Variants in MARCHF1 observed in about 807,000 individuals in gnomAD.
MARCHF1 encodes membrane associated ring-CH-type finger 1.
A neutral mutation model predicts 54.2 loss-of-function variants in MARCHF1; 40 were observed. The ratio of observed to expected loss-of-function variants is 0.74; its 90% CI spans 0.57 to 0.96. MARCHF1 has a LOEUF of 0.96. Ranked by LOEUF, MARCHF1 falls within the 40% of genes least tolerant of loss-of-function variation. The pLI is 0.00. For missense variants in MARCHF1, 586 were observed against 656.5 expected (o/e 0.89, Z 1.17); for synonymous variants, 236 against 236.3 (o/e 1.00, Z 0.01).
chr4:163,869,589 T>G (rs1284319471), intron 3 of MARCHF1, among the ~76,000 whole-genome samples: 1 of 152,184 alleles, frequency 6.6e-6, no homozygotes, highest in East Asian at 1.9e-4. Context: ...CTTTCTATAT[T>G]ATCTGTCAGA....
At chr4:163,851,092 T>C (rs1357231614) in intron 4 of MARCHF1, among the ~76,000 whole-genome samples, 1 of 152,096 alleles carries the variant, frequency 6.6e-6, no homozygotes, top group Non-Finnish European at 1.5e-5. Context: ...CACTTAAATG[T>C]TTAAAACTTA....
chr4:163,963,709 C>T (rs1752384752), intron 3 of MARCHF1, among the ~76,000 whole-genome samples: 2 of 151,876 alleles, frequency 1.3e-5, no homozygotes, highest in African/African-American at 4.8e-5. Flanking sequence ...CCAGGTCTTT[C>T]AGAATTCTTT....
chr4:164,199,663 CACACACACACACACACACAGAGAGAGAG>C (rs1560950808), intron 1 of MARCHF1, among the ~76,000 whole-genome samples: 1 of 84,996 alleles, frequency 1.2e-5, no homozygotes, highest in South Asian at 4.6e-4. Flanking sequence ...CACACACACA[CACACACACACACACACACAGAGAGAGAG>C]AGAGAGAGAG....
chr4:163,931,919 C>G (rs1751686019), intron 3 of MARCHF1, among the ~76,000 whole-genome samples: 1 of 152,102 alleles, frequency 6.6e-6, no homozygotes, highest in South Asian at 2.1e-4. Flanking sequence ...TATAAAGGCA[C>G]AGCATGGAGA....
Position 163,585,920 on chromosome 4 carries a change from G to T in MARCHF1, c.1020C>A (p.His340Gln). ...SDNLEVCRIC[H>Q]CEGDEESPLI... ...GGGGGCTCTCTTCATCCCCTTCGCAGTGACAGATTCTGCAGAAAGACACAG... is the reference window on the plus strand; with the variant it reads ...GGGGGCTCTCTTCATCCCCTTCGCATTGACAGATTCTGCAGAAAGACACAG... Residue 340 changes from histidine (H) to glutamine (Q), a missense_variant, in exon 8 of 10, where the codon CAC (histidine) becomes CAA (glutamine). His to Gln is a conservative substitution (Grantham distance 24). This residue lies in a region of MARCHF1 where 93 missense variants were observed against 168.2 expected (regional missense o/e 0.55). Transcript: ENST00000514618. The T allele has an allele frequency of 6.2e-7, 1 of 1,604,952 alleles. No homozygotes were observed.
At chr4:164,309,799 T>C (rs1234503860) in intron 1 of MARCHF1, among the ~76,000 whole-genome samples, 1 of 152,166 alleles carries the variant, frequency 6.6e-6, no homozygotes, top group Non-Finnish European at 1.5e-5. Flanking sequence ...AACTAGACAA[T>C]TGGAATTGCT....
intron 2 of MARCHF1, among the ~76,000 whole-genome samples, chr4:164,009,255 G>A (rs1421830747): frequency 1.3e-5 from 2 of 151,878 alleles, no homozygotes; most frequent in Non-Finnish European, 2.9e-5. Context: ...CCTGAAAAAA[G>A]AGAAAACCTC....
chr4:164,069,611 G>A (rs1754817061), intron 2 of MARCHF1, among the ~76,000 whole-genome samples: 1 of 152,010 alleles, frequency 6.6e-6, no homozygotes, highest in African/African-American at 2.4e-5. Flanking sequence ...CCACCAGAAG[G>A]AAGAAACTCC....
chr4:163,630,176 C>T (rs1228433758), intron 5 of MARCHF1, among the ~76,000 whole-genome samples: 3 of 152,120 alleles, frequency 2.0e-5, no homozygotes, highest in Non-Finnish European at 4.4e-5. Flanking sequence ...TAGGCCCAAA[C>T]TGTAAATAAC....
chr4:163,628,092 A>C (rs534629547), intron 5 of MARCHF1, among the ~76,000 whole-genome samples: 7 of 152,300 alleles, frequency 4.6e-5, no homozygotes, highest in Admixed American at 4.6e-4. Context: ...AGACAATATA[A>C]AAATTAAAAA....
At chr4:164,375,164 T>A (rs1474750572) in intron 1 of MARCHF1, among the ~76,000 whole-genome samples, 1 of 152,184 alleles carries the variant, frequency 6.6e-6, no homozygotes, top group Non-Finnish European at 1.5e-5. Context: ...GATTCCAGAA[T>A]GAATAATTAA....
intron 1 of MARCHF1, among the ~76,000 whole-genome samples, chr4:164,344,388 A>T (rs915496036): frequency 2.6e-5 from 4 of 152,190 alleles, no homozygotes; most frequent in African/African-American, 9.7e-5. Flanking sequence ...AAGTTAAAAA[A>T]TAAGTCTGTT....
At chr4:163,911,700 G>T (rs893509357) in intron 3 of MARCHF1, among the ~76,000 whole-genome samples, 1 of 152,158 alleles carries the variant, frequency 6.6e-6, no homozygotes, top group African/African-American at 2.4e-5. Context: ...GGGCAATTAA[G>T]GTAAAACGAT....
intron 4 of MARCHF1, among the ~76,000 whole-genome samples, chr4:163,797,471 A>G (rs1374916052): frequency 6.6e-6 from 1 of 151,944 alleles, no homozygotes; most frequent in East Asian, 1.9e-4. Context: ...GTATTGCCAG[A>G]TTTCCTTTCT....
chr4:163,986,249 C>CCTTTTTTTTTTTTTT (rs1752864138), intron 3 of MARCHF1, among the ~76,000 whole-genome samples: 3 of 28,830 alleles, frequency 1.0e-4, no homozygotes, highest in South Asian at 1.4e-3. Context: ...TTAACCTCTT[C>CCTTTTTTTTTTTTTT]TTTTTTTTTT....
At chr4:164,237,448 T>C (rs1732595147) in intron 1 of MARCHF1, among the ~76,000 whole-genome samples, 2 of 152,088 alleles carry the variant, frequency 1.3e-5, no homozygotes, top group South Asian at 4.1e-4. Flanking sequence ...TCTACTTACC[T>C]ATTATCTGTA....
chr4:164,144,599 A>T (rs1340645222), intron 1 of MARCHF1, among the ~76,000 whole-genome samples: 5 of 149,750 alleles, frequency 3.3e-5, no homozygotes, highest in Non-Finnish European at 7.4e-5. Context: ...TGAAGGCAGA[A>T]ATAAAGATGT....
chr4:163,646,235 A>G (rs1273514091), intron 5 of MARCHF1, among the ~76,000 whole-genome samples: 1 of 134,050 alleles, frequency 7.5e-6, no homozygotes, highest in Non-Finnish European at 1.7e-5. Context: ...CAAGAGGCTG[A>G]CATGAAATTA....
chr4:163,828,054 C>CACACACACACACACACACACACAG (rs774603753), intron 4 of MARCHF1, among the ~76,000 whole-genome samples: 1 of 148,204 alleles, frequency 6.7e-6, no homozygotes, highest in Non-Finnish European at 1.5e-5. Flanking sequence ...CACACACACA[C>CACACACACACACACACACACACAG]AGACACACCT....
Sources: allele counts gnomAD v4.1 joint callset (sites outside exome capture counted in the v4.1 genomes callset), GRCh38; gene constraint gnomAD v4.1.1; regional missense constraint gnomAD v4.1.1; transcripts MANE v1.5; gene names NCBI Gene and HGNC (gene_info 2026-07-23, HGNC 2026-07-21).